Variants in OPCML observed in about 807,000 individuals in gnomAD.
The protein encoded by OPCML is opioid-binding protein/cell adhesion molecule.
OPCML carries 13 observed loss-of-function variants against 37.8 expected under a neutral mutation model. The observed-to-expected ratio is 0.34, with a 90% CI of 0.22 to 0.55. The LOEUF is 0.55. Ranked by LOEUF, OPCML falls within the 20% of genes least tolerant of loss-of-function variation. The pLI, the probability that OPCML is intolerant of heterozygous loss-of-function variation, is 0.91. For synonymous variants in OPCML, 176 were observed against 168.8 expected (o/e 1.04, Z -0.33); for missense variants, 341 against 435.6 (o/e 0.78, Z 1.93).
intron 1 of OPCML, among the ~76,000 whole-genome samples, chr11:133,336,832 GGATTTTCTACA>G (rs1943755215): frequency 6.6e-6 from 1 of 152,100 alleles, no homozygotes; most frequent in Admixed American, 6.6e-5. Context: ...TGATACCCAG[GGATTTTCTACA>G]GATGGAAATA....
intron 1 of OPCML, among the ~76,000 whole-genome samples, chr11:133,523,723 T>C (rs1948436610): frequency 6.6e-6 from 1 of 152,200 alleles, no homozygotes. Context: ...CCATGCTTTC[T>C]TCCTCTACAC....
intron 1 of OPCML, among the ~76,000 whole-genome samples, chr11:133,326,441 ATGTG>A (rs1270271994): frequency 1.0e-5 from 1 of 100,250 alleles, no homozygotes; most frequent in Non-Finnish European, 1.9e-5. Context: ...GGGTGCGTGT[ATGTG>A]TGTGTATGTG....
At chr11:132,638,186 T>TATATATATATAGAGAGAGAGAGAG (rs71067383) in intron 3 of OPCML, among the ~76,000 whole-genome samples, 1 of 131,020 alleles carries the variant, frequency 7.6e-6, no homozygotes, top group African/African-American at 2.8e-5. Context: ...TATATATATA[T>TATATATATATAGAGAGAGAGAGAG]ACAGAGAGAG....
intron 3 of OPCML, among the ~76,000 whole-genome samples, chr11:132,550,103 C>A (rs2096378029): frequency 6.6e-6 from 1 of 152,180 alleles, no homozygotes; most frequent in South Asian, 2.1e-4. Flanking sequence ...GGATAGGGAA[C>A]TCTTTCTGGT....
chr11:133,505,714 AAAAGGAAGAG>A (rs1948015834), intron 1 of OPCML, among the ~76,000 whole-genome samples: 1 of 152,200 alleles, frequency 6.6e-6, no homozygotes. Context: ...GATGCCTCCC[AAAAGGAAGAG>A]AACAAAGTTT....
intron 7 of OPCML, among the ~76,000 whole-genome samples, chr11:132,423,468 T>A (rs2095967038): frequency 6.6e-6 from 1 of 152,230 alleles, no homozygotes; most frequent in African/African-American, 2.4e-5. Flanking sequence ...CGGTGAGGGC[T>A]CTGCCGGAGG....
chr11:132,730,102 C>T (rs1313299915), intron 2 of OPCML, among the ~76,000 whole-genome samples: 1 of 149,910 alleles, frequency 6.7e-6, no homozygotes. Context: ...AACCCTCCAC[C>T]TCCTGGGTTC....
chr11:132,789,200 C>A (rs767091403), intron 2 of OPCML, among the ~76,000 whole-genome samples: 2 of 152,170 alleles, frequency 1.3e-5, no homozygotes, highest in Non-Finnish European at 2.9e-5. Flanking sequence ...TCTGATAACA[C>A]CCCACATAAT....
intron 2 of OPCML, among the ~76,000 whole-genome samples, chr11:132,825,841 A>G (rs1940289070): frequency 6.6e-6 from 1 of 152,212 alleles, no homozygotes; most frequent in African/African-American, 2.4e-5. Flanking sequence ...TCCTAGAAAC[A>G]AAGCTAAGGA....
chr11:132,761,206 C>A (rs1218074122), intron 2 of OPCML, among the ~76,000 whole-genome samples: 1 of 150,756 alleles, frequency 6.6e-6, no homozygotes, highest in African/African-American at 2.4e-5. Context: ...AGTAACCTGG[C>A]CTTTCTCTCT....
chr11:133,483,716 A>G (rs1034167928), intron 1 of OPCML, among the ~76,000 whole-genome samples: 3 of 149,846 alleles, frequency 2.0e-5, no homozygotes, highest in African/African-American at 7.4e-5. Context: ...AGATAGATAG[A>G]TAGATAAAAT....
chr11:133,272,661 G>A (rs965498434), intron 1 of OPCML, among the ~76,000 whole-genome samples: 4 of 152,174 alleles, frequency 2.6e-5, no homozygotes, highest in Non-Finnish European at 4.4e-5. Context: ...GATTGAGGGT[G>A]GTGGACAAGG....
intron 4 of OPCML, among the ~76,000 whole-genome samples, chr11:132,498,680 G>A (rs1004064196): frequency 5.3e-5 from 8 of 152,036 alleles, no homozygotes; most frequent in African/African-American, 1.5e-4. Context: ...GTTTGAGGGC[G>A]AATTTGAATT....
At chr11:133,297,473 T>C (rs1007942819) in intron 1 of OPCML, 7 of 152,176 alleles carry the variant, frequency 4.6e-5, no homozygotes, top group Admixed American at 2.0e-4. Flanking sequence ...ATAGGCCTTG[T>C]AACAAGGGAC....
At chr11:133,179,139 C>T (rs1937701362) in intron 1 of OPCML, among the ~76,000 whole-genome samples, 1 of 152,062 alleles carries the variant, frequency 6.6e-6, no homozygotes, top group African/African-American at 2.4e-5. Context: ...TAATTTTTGT[C>T]TATGTGGCAC....
At chr11:133,037,816 C>T (rs1007675169) in intron 1 of OPCML, among the ~76,000 whole-genome samples, 1 of 152,142 alleles carries the variant, frequency 6.6e-6, no homozygotes, top group African/African-American at 2.4e-5. Flanking sequence ...GAAAAAGGGC[C>T]AAGACTTTAA....
intron 2 of OPCML, among the ~76,000 whole-genome samples, chr11:132,855,439 T>C (rs1437542974): frequency 6.6e-6 from 1 of 152,242 alleles, no homozygotes; most frequent in African/African-American, 2.4e-5. Context: ...CACCGTGCAT[T>C]AATTAAACTC....
chr11:133,209,372 T>C (rs1413540436), intron 1 of OPCML, among the ~76,000 whole-genome samples: 1 of 152,116 alleles, frequency 6.6e-6, no homozygotes, highest in African/African-American at 2.4e-5. Context: ...ACATCACACA[T>C]AAGAAAAGGC....
At chr11:133,267,060 T>C (rs1443257210) in intron 1 of OPCML, among the ~76,000 whole-genome samples, 1 of 152,156 alleles carries the variant, frequency 6.6e-6, no homozygotes, top group African/African-American at 2.4e-5. Flanking sequence ...GGCAGATAAA[T>C]AGTTGTTTGT....
Sources: allele counts gnomAD v4.1 joint callset (sites outside exome capture counted in the v4.1 genomes callset), GRCh38; gene constraint gnomAD v4.1.1; transcripts MANE v1.5; gene names NCBI Gene and HGNC (gene_info 2026-07-23, HGNC 2026-07-21).